NR4A3: variants seen among roughly 807,000 people sequenced by gnomAD.
NR4A3 encodes the protein nuclear receptor subfamily 4 group A member 3.
Under a neutral mutation model 55.6 loss-of-function variants are expected in NR4A3, and 13 were observed. The ratio of observed to expected loss-of-function variants is 0.23; its 90% CI spans 0.15 to 0.37. The LOEUF is 0.37. Ranked by LOEUF, NR4A3 falls within the 10% of genes least tolerant of loss-of-function variation. The pLI is 1.00. For synonymous variants in NR4A3, 342 were observed against 357.9 expected (o/e 0.96, Z 0.50); for missense variants, 646 against 822.8 (o/e 0.79, Z 2.63).
Position 99,828,514 on chromosome 9 carries a change from G to A in NR4A3, c.472G>A (p.Glu158Lys), listed in dbSNP as rs1388391877. The change falls in exon 3 of 8, where the codon GAG (glutamate) becomes AAG (lysine). Residue 158 changes from glutamate to lysine, a missense_variant. By Grantham distance (56) the Glu-to-Lys change is moderately conservative. Transcript: ENST00000395097. The surrounding 1 kb of genome is among the most constrained non-coding windows in gnomAD (Gnocchi z 7.7). ...CCCGCAGGCGGGGGCGTTATGGGAC[G>A]AGGCACTGCCCTCGGCGCCCGGCTG... The part of the protein sequence containing the change: ...FPPQAGALWD[E>K]ALPSAPGCIA... 2.5e-6 allele frequency: 4 copies of A among 1,581,840 alleles called. No homozygotes were observed. Among genetic ancestry groups the A allele is most frequent in the Admixed American group, 3.6e-5 (2 of 55,938 alleles).
At chr9:99,831,355 T>A (rs1827436651) in intron 3 of NR4A3, among the ~76,000 whole-genome samples, 1 of 152,236 alleles carries the variant, frequency 6.6e-6, no homozygotes, top group Admixed American at 6.5e-5. Context: ...CTCAGAAGTA[T>A]GCCTGTGTTT....
intron 7 of NR4A3, among the ~76,000 whole-genome samples, chr9:99,857,144 A>T (rs1827940772): frequency 6.6e-6 from 1 of 152,196 alleles, no homozygotes; most frequent in African/African-American, 2.4e-5. Flanking sequence ...GGGAGATATA[A>T]ATGCAAGGAA....
chr9:99,844,762 G>A lies in NR4A3; in HGVS notation c.1368G>A (p.Pro456=), dbSNP rs777701220. Residue 456 remains proline (P), a synonymous_variant, in exon 6 of 8, where the codon CCG becomes CCA. Coordinates refer to ENST00000395097, the MANE Select transcript of NR4A3 (RefSeq NM_006981.4). ...CCAGAAGCTGGGCAGAAAAGATTCC[G>A]GGATTTACTGATCTCCCCAAAGAAG... ...DVSRSWAEKI[P]GFTDLPKEDQ... The A allele has an allele frequency of 2.0e-5, 33 of 1,613,994 alleles. No individual in the cohort carries two copies. Among genetic ancestry groups the A allele is most frequent in the East Asian group, 6.7e-5 (3 of 44,890 alleles).
Position 99,832,779 on chromosome 9 carries a change from C to G in NR4A3, c.1042C>G (p.Arg348Gly). 1 of 1,603,072 alleles carries G rather than the reference C, an allele frequency of 6.2e-7. No individual in the cohort carries two copies. Among genetic ancestry groups the G allele is most frequent in the Non-Finnish European group, 8.5e-7 (1 of 1,172,574 alleles). ...KRRRNRCQYCRFQKCLSVGMV... is the reference protein window; with the variant it reads ...KRRRNRCQYCGFQKCLSVGMV... The stretch of plus-strand genomic sequence containing the variant: ...ACGTCGAAACCGATGTCAGTACTGT[C>G]GATTTCAGAAGTGTCTCAGTGTTGG... The change falls in exon 4 of 8, where the codon CGA becomes GGA. Residue 348 changes from arginine (R) to glycine (G), a missense_variant. Arg to Gly is a moderately radical substitution (Grantham distance 125). Transcript: ENST00000395097.
rs929006928 is a variant in NR4A3 at position 99,866,679 on chromosome 9, G to A, written c.*2812G>A. 8.9e-6 allele frequency: 2 copies of A among 224,458 alleles called. No homozygotes were observed. The highest frequency in any genetic ancestry group is 8.9e-6 in the Non-Finnish European group (1 of 112,184). 13.9% of individuals were successfully genotyped at this position (224,458 alleles called of 1,614,324 possible). On this transcript the variant is annotated 3_prime_UTR_variant, in exon 8 of 8. Coordinates refer to ENST00000395097, the MANE Select transcript of NR4A3 (RefSeq NM_006981.4). ...TCCCCTTGGCGGGAGAGCTCTCTCAGTGTGAACATGCCTTCTGTGGGCGGA... is the reference window on the plus strand; with the variant it reads ...TCCCCTTGGCGGGAGAGCTCTCTCAATGTGAACATGCCTTCTGTGGGCGGA...
At chr9:99,863,158 TG>T (rs911425881) in intron 7 of NR4A3, among the ~76,000 whole-genome samples, 14 of 152,346 alleles carry the variant, frequency 9.2e-5, no homozygotes, top group African/African-American at 3.1e-4. Context: ...TTAATTCATT[TG>T]CCTGGATGTG....
At chr9:99,829,342 G>A (rs955389439) in intron 3 of NR4A3, among the ~76,000 whole-genome samples, 2 of 152,216 alleles carry the variant, frequency 1.3e-5, no homozygotes, top group Non-Finnish European at 2.9e-5. Context: ...GGGTGTCTGA[G>A]GGGATAGTGT....
At chr9:99,859,936 TATTA>T (rs765959387) in intron 7 of NR4A3, among the ~76,000 whole-genome samples, 12 of 152,244 alleles carry the variant, frequency 7.9e-5, no homozygotes, top group East Asian at 1.9e-4. Context: ...TATTTTTCAT[TATTA>T]ATTCAATTTA....
chr9:99,861,355 A>C (rs1050067592), intron 7 of NR4A3, among the ~76,000 whole-genome samples: 2 of 152,198 alleles, frequency 1.3e-5, no homozygotes, highest in African/African-American at 4.8e-5. Context: ...CCCTGTCTCT[A>C]CTAAAAATAC....
chr9:99,830,957 A>G (rs1266229679), intron 3 of NR4A3, among the ~76,000 whole-genome samples: 3 of 152,180 alleles, frequency 2.0e-5, no homozygotes, highest in East Asian at 1.9e-4. Flanking sequence ...AAACAAATCT[A>G]TACTTGAAAG....
intron 3 of NR4A3, among the ~76,000 whole-genome samples, chr9:99,830,326 T>C (rs567623838): frequency 6.6e-6 from 1 of 152,348 alleles, no homozygotes; most frequent in East Asian, 1.9e-4. Context: ...TATCAATGAA[T>C]AAAACTCAGA....
At chr9:99,850,877 A>C (rs1481652749) in intron 7 of NR4A3, among the ~76,000 whole-genome samples, 1 of 152,228 alleles carries the variant, frequency 6.6e-6, no homozygotes, top group Non-Finnish European at 1.5e-5. Flanking sequence ...CCCTCAAGTT[A>C]GGCATATGCC....
rs2118188713 is a variant in NR4A3 at position 99,864,078 on chromosome 9, A to G, written c.*211A>G. ...GAGTATTGTGTTGGGGTTGTGTTTTATATTTAGGCATTGGGGGATGGGGTG... is the reference window on the plus strand; with the variant it reads ...GAGTATTGTGTTGGGGTTGTGTTTTGTATTTAGGCATTGGGGGATGGGGTG... On this transcript the variant is annotated 3_prime_UTR_variant, in exon 8 of 8. Coordinates refer to ENST00000395097, the MANE Select transcript of NR4A3 (RefSeq NM_006981.4). The G allele has an allele frequency of 2.2e-6, 1 of 455,836 alleles. No homozygotes were observed. The highest frequency in any genetic ancestry group is 3.9e-6 in the Non-Finnish European group (1 of 255,340). The allele number at this position is 455,836 out of a possible 1,614,324, so 28.2% of individuals were successfully genotyped here.
chr9:99,827,947 T>C, intron 2 of NR4A3, 94 bp from the exon 3 acceptor site: 1 of 1,427,666 alleles, frequency 7.0e-7, no homozygotes, highest in Non-Finnish European at 9.5e-7. Flanking sequence ...CCTCTCTGTT[T>C]CCCAGATTAG....
chr9:99,837,972 T>A (rs1460308346), intron 5 of NR4A3, among the ~76,000 whole-genome samples: 2 of 152,238 alleles, frequency 1.3e-5, no homozygotes, highest in Admixed American at 1.3e-4. Context: ...AAAGAGCTCC[T>A]GAGTTCTGTG....
At position 99,834,527 on chromosome 9, in the gene NR4A3, A is replaced by G. The variant is rs372728004; in HGVS notation, c.1254+1073A>G. ...CAAAAACAAAAAACCTTAGAAACAC[A>G]GCTTGCACTCAGATAAAGAAATACC... is the stretch of plus-strand genomic sequence containing the variant. On this transcript the variant is annotated intron_variant, in intron 5 of 7. Coordinates refer to ENST00000395097, the MANE Select transcript of NR4A3 (RefSeq NM_006981.4). Among the ~76,000 whole-genome samples, 60 of 152,284 alleles carry G rather than the reference A, an allele frequency of 3.9e-4. 1 individual carries two copies. The highest frequency in any genetic ancestry group is 1.3e-3 in the African/African-American group (53 of 41,558).
chr9:99,848,379 C>T (rs1827792935), intron 7 of NR4A3, among the ~76,000 whole-genome samples: 1 of 152,138 alleles, frequency 6.6e-6, no homozygotes, highest in Non-Finnish European at 1.5e-5. Flanking sequence ...GAGTCTCACT[C>T]TGTCGCCCAG....
intron 3 of NR4A3, among the ~76,000 whole-genome samples, chr9:99,829,240 A>G (rs532059256): frequency 8.9e-4 from 136 of 152,290 alleles, no homozygotes; most frequent in African/African-American, 3.1e-3. Context: ...ACACTGCCCT[A>G]TGAACATTTT....
intron 7 of NR4A3, among the ~76,000 whole-genome samples, chr9:99,863,008 G>T (rs992783312): frequency 6.6e-5 from 10 of 152,106 alleles, no homozygotes; most frequent in African/African-American, 2.4e-4. Flanking sequence ...AAGAAAAGCT[G>T]AATTCTTCTC....
Sources: allele counts gnomAD v4.1 joint callset (sites outside exome capture counted in the v4.1 genomes callset), GRCh38; gene constraint gnomAD v4.1.1; non-coding constraint Gnocchi (gnomAD v3.1); transcripts MANE v1.5; gene names NCBI Gene and HGNC (gene_info 2026-07-23, HGNC 2026-07-21).